BCAS3: variants seen among roughly 807,000 people sequenced by gnomAD.
BCAS3 encodes the protein BCAS3 microtubule associated cell migration factor, also known as BCAS4/BCAS3 fusion.
Under a neutral mutation model 116.1 loss-of-function variants are expected in BCAS3, and 53 were observed. That is an observed-to-expected ratio of 0.46 (90% confidence interval 0.37 to 0.57). The LOEUF is 0.57. Among genes scored for constraint, BCAS3 ranks in the 20% least tolerant of loss-of-function variants. The pLI is 0.00. For missense variants in BCAS3, 917 were observed against 1,165.4 expected, an observed-to-expected ratio of 0.79 and a Z score of 3.10; for synonymous variants, 391 against 408.2, an observed-to-expected ratio of 0.96 and a Z score of 0.51.
At position 61,067,316 on chromosome 17, in the gene BCAS3, T is replaced by TA. The variant is rs58080209; in HGVS notation, c.2030-7604_2030-7603insA. The stretch of plus-strand genomic sequence containing the variant: ...ATATATATATATATATATATATATA[T>TA]TTATACAGACTTGGCAGTATTTTTG... On this transcript the variant is annotated intron_variant, in intron 19 of 23. Coordinates refer to ENST00000407086, the MANE Select transcript of BCAS3 (RefSeq NM_017679.5). 6.6e-3 allele frequency among the ~76,000 whole-genome samples: 864 copies of TA among 130,874 alleles called. 9 individuals carry two copies. The highest frequency in any genetic ancestry group is 0.016 in the African/African-American group (543 of 34,526). 85.9% of individuals were successfully genotyped at this position (130,874 alleles called of 152,430 possible).
chr17:61,106,504 CT>C lies in BCAS3; in HGVS notation c.2425+21941del, dbSNP rs1411440819. The stretch of plus-strand genomic sequence containing the variant: ...CTATCTAGGTTTGTACAAGCATACT[CT>C]ATGATGTTTGCACAGTGATGAAATC... On this transcript the variant is annotated intron_variant, in intron 22 of 23. Transcript: ENST00000407086. This position sits in a 1 kb window ranked among gnomAD's most constrained non-coding sequence, Gnocchi z 4.2. Among the ~76,000 whole-genome samples the C allele has an allele frequency of 1.3e-5, 2 of 152,154 alleles. No homozygotes were observed. The highest frequency in any genetic ancestry group is 4.8e-5 in the African/African-American group (2 of 41,418).
At position 61,098,922 on chromosome 17, in the gene BCAS3, A is replaced by C. The variant is rs1239406782; in HGVS notation, c.2425+14358A>C. ...AGGTGATCACCAGGTCAGGAGATCG[A>C]GATCATCCTGGCTAACACGGTGAAA... is the stretch of plus-strand genomic sequence containing the variant. On this transcript the variant is annotated intron_variant, in intron 22 of 23. Transcript: ENST00000407086. The surrounding 1 kb of genome is among the most constrained non-coding windows in gnomAD (Gnocchi z 4.2). Among the ~76,000 whole-genome samples the C allele has an allele frequency of 1.3e-5, 2 of 152,030 alleles. No individual in the cohort carries two copies. Among genetic ancestry groups the C allele is most frequent in the Non-Finnish European group, 2.9e-5 (2 of 68,018 alleles).
chr17:60,751,970 A>G (rs1054552995), intron 6 of BCAS3, among the ~76,000 whole-genome samples: 3 of 152,352 alleles, frequency 2.0e-5, no homozygotes, highest in South Asian at 2.1e-4. Flanking sequence ...GCAAAGGTAA[A>G]TCTGACTGCT....
At position 61,367,845 on chromosome 17, in the gene BCAS3, G is replaced by T. The variant is rs8072176; in HGVS notation, c.2426-482G>T. The T allele has an allele frequency of 0.016, 2,508 of 152,254 alleles. 68 individuals are homozygous for T. Among genetic ancestry groups the T allele is most frequent in the African/African-American group, 0.057 (2,372 of 41,468 alleles). The allele number at this position is 152,254 out of a possible 1,614,324, so 9.4% of individuals were successfully genotyped here. A position where few individuals can be genotyped will look rare whatever the true frequency, so the allele number is the denominator to read the frequency against. Reference sequence around the variant, plus strand: ...TTTATTTGTAGAGACAGGGTCTCGCGCTGTTGCCCAGGCTGGTCTCAAAGT... The same window carrying T: ...TTTATTTGTAGAGACAGGGTCTCGCTCTGTTGCCCAGGCTGGTCTCAAAGT... On this transcript the variant is annotated intron_variant, in intron 22 of 23. Transcript: ENST00000407086. The surrounding 1 kb of genome is among the most constrained non-coding windows in gnomAD (Gnocchi z 6.2).
rs2057937752 is a variant in BCAS3 at position 61,352,974 on chromosome 17, T to TGGGACTGCAGGGAGAGGCCAA, written c.2426-15345_2426-15325dup. Among the ~76,000 whole-genome samples the TGGGACTGCAGGGAGAGGCCAA allele has an allele frequency of 1.3e-5, 2 of 152,186 alleles. No homozygotes were observed. The highest frequency in any genetic ancestry group is 4.8e-5 in the African/African-American group (2 of 41,448). On this transcript the variant is annotated intron_variant, in intron 22 of 23. Transcript: ENST00000407086. The surrounding 1 kb of genome is among the most constrained non-coding windows in gnomAD (Gnocchi z 4.7). ...CTCATGTTAATGCCTAACACAAGGC[T>TGGGACTGCAGGGAGAGGCCAA]GGGACTGCAGGGAGAGGCCAAGGGA... is the stretch of plus-strand genomic sequence containing the variant.
At chr17:61,038,936 T>C (rs530916041) in intron 18 of BCAS3, among the ~76,000 whole-genome samples, 4 of 152,284 alleles carry the variant, frequency 2.6e-5, no homozygotes, top group Non-Finnish European at 4.4e-5. Flanking sequence ...GCTGGTTTTA[T>C]AGGGATGAGC....
At chr17:60,840,291 A>G (rs1408474546) in intron 7 of BCAS3, among the ~76,000 whole-genome samples, 1 of 152,180 alleles carries the variant, frequency 6.6e-6, no homozygotes, top group Non-Finnish European at 1.5e-5. Flanking sequence ...TGTCTACTAT[A>G]CCATTTTCAG....
At chr17:61,267,262 T>A (rs1446709774) in intron 22 of BCAS3, among the ~76,000 whole-genome samples, 3 of 146,252 alleles carry the variant, frequency 2.1e-5, no homozygotes, top group Non-Finnish European at 4.5e-5. Context: ...TTTCACCGTG[T>A]TAGCCAGGAT....
At chr17:60,939,331 G>C (rs1161217656) in intron 13 of BCAS3, among the ~76,000 whole-genome samples, 1 of 152,114 alleles carries the variant, frequency 6.6e-6, no homozygotes, top group Non-Finnish European at 1.5e-5. Context: ...TACTCAGGAG[G>C]CTGAGACAGG....
chr17:60,810,328 TG>T (rs1479629338), intron 7 of BCAS3: 62 of 443,740 alleles, frequency 1.4e-4, no homozygotes, highest in Non-Finnish European at 2.6e-4. Flanking sequence ...CACCAACTTC[TG>T]GGGTGGCATG....
chr17:61,114,065 A>G (rs1057348853), intron 22 of BCAS3, among the ~76,000 whole-genome samples: 125 of 151,704 alleles, frequency 8.2e-4, no homozygotes, highest in African/African-American at 2.5e-3. Context: ...CTCTCAAGAA[A>G]TTAGGTATTG....
intron 5 of BCAS3, among the ~76,000 whole-genome samples, chr17:60,731,252 C>T (rs1335669024): frequency 6.6e-6 from 1 of 152,116 alleles, no homozygotes; most frequent in Non-Finnish European, 1.5e-5. Flanking sequence ...CTTGCTTTGT[C>T]GCCCAGGCCT....
At chr17:60,770,848 T>TG (rs1417880395) in intron 6 of BCAS3, among the ~76,000 whole-genome samples, 1 of 126,266 alleles carries the variant, frequency 7.9e-6, no homozygotes, top group Non-Finnish European at 1.7e-5. Flanking sequence ...TTTTTTTTTT[T>TG]TTTTTTTTTT....
rs1207603698 is a variant in BCAS3, at chr17:61,122,487, G to A, written c.2425+37923G>A. ...GTTGTAGAGGAGCTTCTTTAGATAG[G>A]AAGCCATGAGGGAATTCTCTGAGTA... On this transcript the variant is annotated intron_variant, in intron 22 of 23. Coordinates refer to ENST00000407086, the MANE Select transcript of BCAS3 (RefSeq NM_017679.5). This position sits in a 1 kb window ranked among gnomAD's most constrained non-coding sequence, Gnocchi z 4.6. Among the ~76,000 whole-genome samples the A allele has an allele frequency of 6.6e-6, 1 of 152,304 alleles. No homozygotes were observed. Among genetic ancestry groups the A allele is most frequent in the East Asian group, 1.9e-4 (1 of 5,190 alleles).
chr17:61,198,422 G>A lies in BCAS3; in HGVS notation c.2425+113858G>A, dbSNP rs2080626840. The stretch of plus-strand genomic sequence containing the variant: ...CCCAAAGTGCTGGGATTACAGGCCT[G>A]AGCCACTGTGCCCAGCCCGATATGT... On this transcript the variant is annotated intron_variant, in intron 22 of 23. Coordinates refer to ENST00000407086, the MANE Select transcript of BCAS3 (RefSeq NM_017679.5). This position sits in a 1 kb window ranked among gnomAD's most constrained non-coding sequence, Gnocchi z 5.0. 6.6e-6 allele frequency among the ~76,000 whole-genome samples: 1 copy of A among 152,178 alleles called. No homozygotes were observed. Among genetic ancestry groups the A allele is most frequent in the South Asian group, 2.1e-4 (1 of 4,824 alleles).
intron 5 of BCAS3, among the ~76,000 whole-genome samples, chr17:60,736,763 A>G (rs945712479): frequency 6.6e-6 from 1 of 152,066 alleles, no homozygotes; most frequent in Non-Finnish European, 1.5e-5. Context: ...GTGTCTTTCA[A>G]GGGGTTGGTC....
intron 14 of BCAS3, among the ~76,000 whole-genome samples, chr17:60,987,768 A>T (rs907500225): frequency 2.0e-5 from 3 of 152,074 alleles, no homozygotes; most frequent in Non-Finnish European, 4.4e-5. Context: ...AGATCATATG[A>T]TCTGCAAACG....
chr17:60,881,124 G>A (rs938439661), intron 9 of BCAS3, among the ~76,000 whole-genome samples: 7 of 152,020 alleles, frequency 4.6e-5, no homozygotes, highest in South Asian at 2.1e-4. Context: ...ACAGGCGCCC[G>A]CCACCACACC....
chr17:60,790,261 C>G (rs1253650510), intron 6 of BCAS3, among the ~76,000 whole-genome samples: 1 of 152,104 alleles, frequency 6.6e-6, no homozygotes. Context: ...GAAAAACAAT[C>G]ACAACATTCT....
Sources: gnomAD v4.1 joint callset for allele counts (sites outside exome capture counted in the v4.1 genomes callset) on GRCh38, gnomAD v4.1.1 for gene constraint, Gnocchi (gnomAD v3.1) non-coding constraint, MANE v1.5 for transcripts, NCBI Gene and HGNC (gene_info 2026-07-23, HGNC 2026-07-21) for gene names.